The following SHF variants were observed in gnomAD, a reference collection of about 807,000 sequenced individuals.
SHF encodes the protein SH2 domain-containing adapter protein F.
In SHF, 30 loss-of-function variants were observed where a neutral mutation model predicts 42.4. The ratio of observed to expected loss-of-function variants is 0.71; its 90% CI spans 0.53 to 0.96. SHF has a LOEUF of 0.96. Ranked by LOEUF, SHF falls within the 40% of genes least tolerant of loss-of-function variation. The pLI is 0.00. For synonymous variants in SHF, 264 were observed against 269.9 expected, an observed-to-expected ratio of 0.98 and a Z score of 0.21; for missense variants, 598 against 634.0, an observed-to-expected ratio of 0.94 and a Z score of 0.61.
rs1287068637 is a variant in SHF at position 45,172,444 on chromosome 15, G to T, written c.989-126C>A. On this transcript the variant is annotated intron_variant, in intron 4 of 6. Coordinates refer to ENST00000690270, the MANE Select transcript of SHF (RefSeq NM_001394037.1). ...AAAGGATCAAAGGAATGCTCTAGGA[G>T]GGCAGCCCATGCTGAAGGGCCTGAC... is the stretch of plus-strand genomic sequence containing the variant. The T allele has an allele frequency of 4.5e-6, 5 of 1,104,230 alleles. No homozygotes were observed. In the African/African-American group the frequency reaches 7.9e-5, roughly 17 times the overall value. The allele number at this position is 1,104,230 out of a possible 1,614,324, so 68.4% of individuals were successfully genotyped here.
chr15:45,170,622 G>A (rs992008645), intron 6 of SHF: 2 of 316,560 alleles, frequency 6.3e-6, no homozygotes, highest in Admixed American at 4.5e-5. Context: ...ACTATAGTCC[G>A]GCACTTTTTC....
intron 1 of SHF, among the ~76,000 whole-genome samples, chr15:45,181,722 C>A (rs912233591): frequency 1.3e-5 from 2 of 152,168 alleles, no homozygotes; most frequent in African/African-American, 4.8e-5. Flanking sequence ...AGCAGATCTA[C>A]ATCTGAATAG....
At chr15:45,174,598 G>T (rs1897695078) in intron 3 of SHF, among the ~76,000 whole-genome samples, 1 of 152,168 alleles carries the variant, frequency 6.6e-6, no homozygotes, top group South Asian at 2.1e-4. Context: ...AGGAGCAAAA[G>T]CCCTCTCCCT....
chr15:45,200,449 C>CA (rs921694456), intron 1 of SHF: 5 of 241,946 alleles, frequency 2.1e-5, no homozygotes, highest in African/African-American at 6.6e-5. Flanking sequence ...TTGCTGCGGC[C>CA]ACAACGCAGA....
chr15:45,189,748 C>CGG (rs34935000), upstream of SHF, among the ~76,000 whole-genome samples: 12 of 151,768 alleles, frequency 7.9e-5, no homozygotes, highest in Non-Finnish European at 1.5e-4. Context: ...GAGTTCAAAG[C>CGG]GGGGGGTGTA....
rs1292314605 is a variant in SHF at position 45,178,267 on chromosome 15, G to A, written c.538C>T (p.Gln180Ter). 1 of 1,613,862 alleles carries A rather than the reference G, an allele frequency of 6.2e-7. No homozygotes were observed. Among genetic ancestry groups the A allele is most frequent in the Non-Finnish European group, 8.5e-7 (1 of 1,179,906 alleles). The change falls in exon 2 of 7, where the codon CAG becomes TAG. Residue 180 changes from glutamine (Q) to a stop codon, truncating the protein, a stop_gained. Transcript: ENST00000690270. LOFTEE classifies it high-confidence loss of function. ...CCTGCTGAGCCTTCGCCAGTCTCCT[G>A]AACATCAAACGGGTCCGCATAGTCT... Reference protein sequence around the residue: ...LEDYADPFDVQETGEGSAGAS... With the variant: ...LEDYADPFDV
At chr15:45,181,973 C>T (rs919660129) in intron 1 of SHF, among the ~76,000 whole-genome samples, 9 of 152,204 alleles carry the variant, frequency 5.9e-5, no homozygotes, top group African/African-American at 1.9e-4. Context: ...CAGAGGATCC[C>T]ATCCCTCTCC....
chr15:45,191,389 T>C (rs1391241640), upstream of SHF, among the ~76,000 whole-genome samples: 2 of 152,192 alleles, frequency 1.3e-5, no homozygotes, highest in Non-Finnish European at 2.9e-5. Context: ...GTTCTTGCTA[T>C]GTTGCTTTGA....
chr15:45,171,392 C>T (rs747907832), intron 6 of SHF: 15 of 163,976 alleles, frequency 9.1e-5, no homozygotes, highest in Non-Finnish European at 1.9e-4. Flanking sequence ...ACTTTGTGTC[C>T]ACTGCCCTGC....
chr15:45,197,316 T>C (rs1003900556), intron 2 of SHF, among the ~76,000 whole-genome samples: 5 of 149,880 alleles, frequency 3.3e-5, no homozygotes, highest in African/African-American at 1.2e-4. Flanking sequence ...ATAAGAAACC[T>C]CTGTTCAAAT....
At chr15:45,189,451 C>T (rs952444003), upstream of SHF, among the ~76,000 whole-genome samples, 13 of 140,578 alleles carry the variant, frequency 9.2e-5, no homozygotes, top group African/African-American at 2.7e-4. Flanking sequence ...TACAGTGGCA[C>T]GATTTCAGCT....
At chr15:45,193,054 T>C (rs1898754180) in intron 2 of SHF, among the ~76,000 whole-genome samples, 1 of 152,238 alleles carries the variant, frequency 6.6e-6, no homozygotes, top group Non-Finnish European at 1.5e-5. Context: ...TGGAATGATA[T>C]TCTGAGAACT....
chr15:45,194,320 GC>G (rs2141447498), intron 2 of SHF, among the ~76,000 whole-genome samples: 1 of 151,916 alleles, frequency 6.6e-6, no homozygotes, highest in East Asian at 1.9e-4. Flanking sequence ...ACTATTGGGA[GC>G]CTTTTCAAGA....
chr15:45,176,582 G>C (rs1009333378), intron 2 of SHF, among the ~76,000 whole-genome samples: 1 of 151,862 alleles, frequency 6.6e-6, no homozygotes, highest in African/African-American at 2.4e-5. Context: ...TCCTTGAACT[G>C]TATGCCCAGC....
intron 1 of SHF, among the ~76,000 whole-genome samples, chr15:45,178,735 A>G (rs531158408): frequency 6.6e-6 from 1 of 152,146 alleles, no homozygotes; most frequent in South Asian, 2.1e-4. Context: ...GGGTTTCACC[A>G]TGTTGGCTAG....
chr15:45,196,965 G>A (rs901337022), intron 2 of SHF, among the ~76,000 whole-genome samples: 3 of 149,544 alleles, frequency 2.0e-5, no homozygotes, highest in African/African-American at 4.9e-5. Flanking sequence ...GATAGTAAAA[G>A]GGAAAAAAAG....
intron 2 of SHF, among the ~76,000 whole-genome samples, chr15:45,176,183 C>T (rs1046960485): frequency 1.5e-4 from 23 of 152,004 alleles, no homozygotes; most frequent in African/African-American, 4.8e-4. Context: ...GTGGACCACC[C>T]GCTCCTTGAA....
upstream of SHF, among the ~76,000 whole-genome samples, chr15:45,190,273 A>G (rs1427571198): frequency 6.6e-6 from 1 of 152,228 alleles, no homozygotes; most frequent in African/African-American, 2.4e-5. Flanking sequence ...AAATTGACTA[A>G]TGGTGCAAAA....
At chr15:45,184,647 G>C (rs1898290208) in intron 1 of SHF, among the ~76,000 whole-genome samples, 1 of 152,252 alleles carries the variant, frequency 6.6e-6, no homozygotes, top group Non-Finnish European at 1.5e-5. Flanking sequence ...TCCAATCAGA[G>C]CCCTGTTCCC....
Sources: gnomAD v4.1 joint callset for allele counts (sites outside exome capture counted in the v4.1 genomes callset) on GRCh38, gnomAD v4.1.1 for gene constraint, MANE v1.5 for transcripts, NCBI Gene and HGNC (gene_info 2026-07-23, HGNC 2026-07-21) for gene names.